The following NR5A2 variants were observed in gnomAD, a reference collection of about 807,000 sequenced individuals.
The protein encoded by NR5A2 is nuclear receptor subfamily 5 group A member 2.
In NR5A2, 26 loss-of-function variants were observed where a neutral mutation model predicts 62.7. The observed-to-expected ratio is 0.41, with a 90% CI of 0.30 to 0.58. The LOEUF is 0.58. Ranked by LOEUF, NR5A2 falls within the 20% of genes least tolerant of loss-of-function variation. The pLI is 0.22. For missense variants in NR5A2, 541 were observed against 669.1 expected (o/e 0.81, Z 2.11); for synonymous variants, 246 against 241.7 (o/e 1.02, Z -0.16).
intron 5 of NR5A2, among the ~76,000 whole-genome samples, chr1:200,101,158 A>G (rs1665347140): frequency 1.3e-5 from 2 of 152,176 alleles, no homozygotes; most frequent in Non-Finnish European, 2.9e-5. Flanking sequence ...AGAGTGTAAT[A>G]CTTTGTATGC....
rs571277907 is a variant in NR5A2, at chr1:200,066,825, T to C, written c.1110+18007T>C. 7.5e-4 allele frequency among the ~76,000 whole-genome samples: 114 copies of C among 152,262 alleles called. 1 individual carries two copies. The highest frequency in any genetic ancestry group is 2.6e-3 in the African/African-American group (110 of 41,546). On this transcript the variant is annotated intron_variant, in intron 5 of 7. Transcript: ENST00000367362. Reference sequence around the variant, plus strand: ...GTGATCTCGAACTTCTGACCTCCAGTGATCTGCCCACCTCGGCCTCGGGAT... The same window carrying C: ...GTGATCTCGAACTTCTGACCTCCAGCGATCTGCCCACCTCGGCCTCGGGAT...
chr1:200,084,160 G>A (rs181163938), intron 5 of NR5A2, among the ~76,000 whole-genome samples: 27 of 152,066 alleles, frequency 1.8e-4, no homozygotes, highest in Non-Finnish European at 3.4e-4. Context: ...CCCTGCTTTT[G>A]AGGATCATAT....
At chr1:200,047,454 T>G (rs966160147) in intron 4 of NR5A2, among the ~76,000 whole-genome samples, 1 of 152,156 alleles carries the variant, frequency 6.6e-6, no homozygotes, top group Non-Finnish European at 1.5e-5. Flanking sequence ...ATTGGGTAAC[T>G]CAGTTCCACA....
chr1:200,075,533 CTT>C (rs770081922), intron 5 of NR5A2, among the ~76,000 whole-genome samples: 6 of 152,244 alleles, frequency 3.9e-5, no homozygotes, highest in Non-Finnish European at 8.8e-5. Context: ...TAGAATTAGA[CTT>C]TCATTAAAAC....
At chr1:200,063,641 A>C (rs916097208) in intron 5 of NR5A2, among the ~76,000 whole-genome samples, 1 of 152,188 alleles carries the variant, frequency 6.6e-6, no homozygotes, top group Non-Finnish European at 1.5e-5. Flanking sequence ...AGCTTTTGAA[A>C]GGATCAAACC....
chr1:200,062,227 TTGTG>T lies in NR5A2; in HGVS notation c.1110+13437_1110+13440del, dbSNP rs6143563. Among the ~76,000 whole-genome samples the T allele has an allele frequency of 7.0e-3, 1,013 of 145,752 alleles. 7 individuals carry two copies. The highest frequency in any genetic ancestry group is 0.01 in the Non-Finnish European group (695 of 66,530). ...CCCAAATAATTCTCCCTGGCAGATTTTGTGTGTGTGTGTGTGTGTGTGTGTGTGT... is the reference window on the plus strand; with the variant it reads ...CCCAAATAATTCTCCCTGGCAGATTTTGTGTGTGTGTGTGTGTGTGTGTGT... On this transcript the variant is annotated intron_variant, in intron 5 of 7. Coordinates refer to ENST00000367362, the MANE Select transcript of NR5A2 (RefSeq NM_205860.3).
intron 1 of NR5A2, among the ~76,000 whole-genome samples, chr1:200,037,567 C>T (rs1190894105): frequency 6.6e-6 from 1 of 152,148 alleles, no homozygotes; most frequent in Non-Finnish European, 1.5e-5. Context: ...AACTGACTCC[C>T]TTTCTTTATT....
intron 7 of NR5A2, among the ~76,000 whole-genome samples, chr1:200,149,022 C>T (rs1236328856): frequency 1.3e-5 from 2 of 151,758 alleles, no homozygotes; most frequent in Admixed American, 6.6e-5. Context: ...AAACAATTCT[C>T]CTGCCTCGAC....
chr1:200,144,099 C>G (rs1307744592), intron 7 of NR5A2, among the ~76,000 whole-genome samples: 1 of 152,026 alleles, frequency 6.6e-6, no homozygotes, highest in African/African-American at 2.4e-5. Flanking sequence ...AATGAGAATT[C>G]ACCACAATAT....
Position 200,048,096 on chromosome 1 carries a change from T to G in NR5A2, c.464-76T>G. 7.4e-7 allele frequency: 1 copy of G among 1,352,944 alleles called. No homozygotes were observed. The highest frequency in any genetic ancestry group is 2.3e-5 in the Admixed American group (1 of 44,312). 83.8% of individuals were successfully genotyped at this position (1,352,944 alleles called of 1,614,324 possible). On this transcript the variant is annotated intron_variant, in intron 4 of 7. Transcript: ENST00000367362. The surrounding 1 kb of genome is among the most constrained non-coding windows in gnomAD (Gnocchi z 4.8). ...ACCACTTCTTGTCGATTTACATTTC[T>G]AAATATCTGAAGAATGCTAATAATT... is the stretch of plus-strand genomic sequence containing the variant.
At chr1:200,052,851 A>T (rs71633888) in intron 5 of NR5A2, among the ~76,000 whole-genome samples, 99 of 152,184 alleles carry the variant, frequency 6.5e-4, no homozygotes, top group Middle Eastern at 3.4e-3. Flanking sequence ...CGTGTTAGCC[A>T]GGATGGTCTT....
Position 200,176,279 on chromosome 1 carries a change from G to A in NR5A2, c.*2069G>A, listed in dbSNP as rs1013932193. The A allele has an allele frequency of 2.0e-5, 3 of 152,586 alleles. No homozygotes were observed. The highest frequency in any genetic ancestry group is 4.8e-5 in the African/African-American group (2 of 41,420). The allele number at this position is 152,586 out of a possible 1,614,324, so 9.5% of individuals were successfully genotyped here. A position where few individuals can be genotyped will look rare whatever the true frequency, so the allele number is the denominator to read the frequency against. The stretch of plus-strand genomic sequence containing the variant: ...ACCAAAGATATTAGTTATTACTTCT[G>A]TGTGTACAAAGAGGATTATTTTATT... On this transcript the variant is annotated 3_prime_UTR_variant, in exon 8 of 8. Coordinates refer to ENST00000367362, the MANE Select transcript of NR5A2 (RefSeq NM_205860.3).
Position 200,147,795 on chromosome 1 carries a change from A to G in NR5A2, c.1379-26168A>G. 2.1e-6 allele frequency: 1 copy of G among 485,716 alleles called. No individual in the cohort carries two copies. Among genetic ancestry groups the G allele is most frequent in the Non-Finnish European group, 3.9e-6 (1 of 256,782 alleles). 30.1% of individuals were successfully genotyped at this position (485,716 alleles called of 1,614,324 possible). On this transcript the variant is annotated intron_variant, in intron 7 of 7. Transcript: ENST00000367362. The surrounding 1 kb of genome is among the most constrained non-coding windows in gnomAD (Gnocchi z 4.9). ...CGGCACGGATGCCGGCACGGTGGGC[A>G]GCCGCCGTGGCGTCCAGCACCAGGT...
intron 5 of NR5A2, among the ~76,000 whole-genome samples, chr1:200,105,021 T>C (rs752696617): frequency 7.9e-5 from 12 of 151,962 alleles, no homozygotes; most frequent in Non-Finnish European, 1.6e-4. Flanking sequence ...TGCAGTGGCA[T>C]GGTCATGGCT....
chr1:200,042,913 CCGCG>C, intron 2 of NR5A2: 8 of 985,480 alleles, frequency 8.1e-6, no homozygotes, highest in Non-Finnish European at 9.6e-6. Flanking sequence ...GTGAGCCGCG[CCGCG>C]CGTCGTGGCG....
intron 7 of NR5A2, among the ~76,000 whole-genome samples, chr1:200,130,506 T>C (rs1666928244): frequency 6.6e-6 from 1 of 152,204 alleles, no homozygotes; most frequent in South Asian, 2.1e-4. Context: ...TATCCCTTAG[T>C]TGACTACCTC....
intron 6 of NR5A2, 28 bp from the exon 7 acceptor site, chr1:200,120,780 T>C: frequency 4.6e-6 from 7 of 1,510,204 alleles, no homozygotes; most frequent in Non-Finnish European, 6.2e-6. Flanking sequence ...ATTCTGATAG[T>C]CCTTAAAACT....
In NR5A2 at chr1:200,176,705, G is replaced by A. The variant is rs1654436043; in HGVS notation, c.*2495G>A. 1 of 152,022 alleles carries A rather than the reference G, an allele frequency of 6.6e-6. No individual in the cohort carries two copies. Among genetic ancestry groups the A allele is most frequent in the South Asian group, 2.1e-4 (1 of 4,808 alleles). The allele number at this position is 152,022 out of a possible 1,614,324, so 9.4% of individuals were successfully genotyped here. A position where few individuals can be genotyped will look rare whatever the true frequency, so the allele number is the denominator to read the frequency against. ...AAGAGGCGGGATCTTGATCTCACAT[G>A]TTGCCCAGGCTGGCCTTGAACTCCT... On this transcript the variant is annotated 3_prime_UTR_variant, in exon 8 of 8. Coordinates refer to ENST00000367362, the MANE Select transcript of NR5A2 (RefSeq NM_205860.3).
intron 1 of NR5A2, among the ~76,000 whole-genome samples, chr1:200,036,539 C>T (rs570345080): frequency 2.0e-5 from 3 of 152,312 alleles, no homozygotes; most frequent in South Asian, 4.1e-4. Context: ...TGGATGGAGA[C>T]CCAGCTGCTT....
Sources: allele counts gnomAD v4.1 joint callset (sites outside exome capture counted in the v4.1 genomes callset), GRCh38; gene constraint gnomAD v4.1.1; non-coding constraint Gnocchi (gnomAD v3.1); transcripts MANE v1.5; gene names NCBI Gene and HGNC (gene_info 2026-07-23, HGNC 2026-07-21).